CHST15: variants seen among roughly 807,000 people sequenced by gnomAD.
The protein encoded by CHST15 is B cell RAG associated protein (GALNAC4S-6ST).
Under a neutral mutation model 53.6 loss-of-function variants are expected in CHST15, and 30 were observed. The observed-to-expected ratio is 0.56, with a 90% CI of 0.42 to 0.76. CHST15 has a LOEUF of 0.76. Ranked by LOEUF, CHST15 falls within the 30% of genes least tolerant of loss-of-function variation. CHST15 has a pLI of 0.00. For missense variants in CHST15, 627 were observed against 740.5 expected (o/e 0.85, Z 1.78); for synonymous variants, 296 against 289.8 (o/e 1.02, Z -0.22).
rs139088117 is a variant in CHST15, at chr10:124,014,612, C to T, written c.1348-2132G>A. Among the ~76,000 whole-genome samples the T allele has an allele frequency of 4.3e-3, 654 of 152,336 alleles. 4 individuals are homozygous for T. The highest frequency in any genetic ancestry group is 0.015 in the African/African-American group (613 of 41,562). On this transcript the variant is annotated intron_variant, in intron 6 of 7. Transcript: ENST00000435907. ...ACGAGACCAACTCGCTGTTAAGTCA[C>T]CCGCCTCCCGGGGCTTTTCAGTTGT...
intron 1 of CHST15, among the ~76,000 whole-genome samples, chr10:124,054,052 T>C (rs1948295656): frequency 6.6e-6 from 1 of 152,184 alleles, no homozygotes; most frequent in Non-Finnish European, 1.5e-5. Context: ...CACAGCTGTT[T>C]TGTTTTAGTT....
intron 1 of CHST15, among the ~76,000 whole-genome samples, chr10:124,092,882 G>A (rs1949646600): frequency 6.6e-6 from 1 of 152,350 alleles, no homozygotes; most frequent in Middle Eastern, 3.4e-3. Flanking sequence ...GAGCTGGGCG[G>A]TGCAGGGGCG....
intron 6 of CHST15, chr10:124,020,010 C>G (rs28712887): frequency 7.1e-6 from 7 of 985,502 alleles, no homozygotes; most frequent in Non-Finnish European, 7.2e-6. Flanking sequence ...CCTGAAGCCC[C>G]GTTCTCAGGT....
chr10:124,043,991 A>G (rs1274444341), intron 3 of CHST15, among the ~76,000 whole-genome samples: 1 of 150,144 alleles, frequency 6.7e-6, no homozygotes, highest in Non-Finnish European at 1.5e-5. Flanking sequence ...AGCACAGAGC[A>G]GAGGAACAGC....
intron 1 of CHST15, among the ~76,000 whole-genome samples, chr10:124,054,278 A>T (rs538748412): frequency 6.6e-6 from 1 of 152,360 alleles, no homozygotes; most frequent in Admixed American, 6.5e-5. Flanking sequence ...CCACAACCTG[A>T]GGGATCTTCC....
In CHST15 at chr10:124,009,288, T is replaced by A. The variant is rs894776913; in HGVS notation, c.*861A>T. The A allele has an allele frequency of 1.8e-6, 2 of 1,096,134 alleles. No homozygotes were observed. The highest frequency in any genetic ancestry group is 9.1e-5 in the Admixed American group (2 of 22,056). The allele number at this position is 1,096,134 out of a possible 1,614,324, so 67.9% of individuals were successfully genotyped here. A position where few individuals can be genotyped will look rare whatever the true frequency, so the allele number is the denominator to read the frequency against. On this transcript the variant is annotated 3_prime_UTR_variant, in exon 8 of 8. Transcript: ENST00000435907. ...ACAGCAAAAATTTCTCTTCCAATTATAAACTGAAGTTCTTGAGAAAACGTA... is the reference window on the plus strand; with the variant it reads ...ACAGCAAAAATTTCTCTTCCAATTAAAAACTGAAGTTCTTGAGAAAACGTA...
intron 5 of CHST15, among the ~76,000 whole-genome samples, chr10:124,028,322 T>A (rs980105748): frequency 1.3e-5 from 2 of 152,236 alleles, no homozygotes; most frequent in African/African-American, 2.4e-5. Flanking sequence ...TCCTAAGTGA[T>A]GATGTGGTTG....
In CHST15 at chr10:124,007,983, GGA is replaced by G. The variant is rs71704905; in HGVS notation, c.*2164_*2165del. ...AGCAGAGGCAGCCGAAGTGCCCTCT[GGA>G]GAGAAAGGCCCCTGGAGGGAAAAAC... On this transcript the variant is annotated 3_prime_UTR_variant, in exon 8 of 8. Transcript: ENST00000435907. 0.63 allele frequency: 771,262 copies of G among 1,231,534 alleles called. 244,209 individuals carry two copies. Among genetic ancestry groups the G allele is most frequent in the East Asian group, 0.89 (28,140 of 31,674 alleles). 76.3% of individuals were successfully genotyped at this position (1,231,534 alleles called of 1,614,324 possible).
At chr10:124,039,500 G>A (rs1392003306) in intron 4 of CHST15, among the ~76,000 whole-genome samples, 1 of 152,280 alleles carries the variant, frequency 6.6e-6, no homozygotes, top group Non-Finnish European at 1.5e-5. Flanking sequence ...GAGGGGCTTT[G>A]CCACAGGGCT....
intron 1 of CHST15, among the ~76,000 whole-genome samples, chr10:124,080,770 A>G (rs1274726726): frequency 6.6e-6 from 1 of 152,226 alleles, no homozygotes; most frequent in Non-Finnish European, 1.5e-5. Flanking sequence ...ACGATCTGAA[A>G]GACACTCACC....
At chr10:124,026,332 T>TC (rs1246294485) in intron 5 of CHST15, among the ~76,000 whole-genome samples, 1 of 152,066 alleles carries the variant, frequency 6.6e-6, no homozygotes, top group Admixed American at 6.5e-5. Flanking sequence ...AGCTATCATT[T>TC]CCCCCTTGAC....
At chr10:124,068,708 A>G (rs2134145381) in intron 1 of CHST15, among the ~76,000 whole-genome samples, 2 of 152,342 alleles carry the variant, frequency 1.3e-5, no homozygotes, top group South Asian at 4.1e-4. Flanking sequence ...GAAAAGCATC[A>G]CTATGCTCTT....
rs1220923920 is a variant in CHST15 at position 124,008,760 on chromosome 10, G to C, written c.*1389C>G. On this transcript the variant is annotated 3_prime_UTR_variant, in exon 8 of 8. Coordinates refer to ENST00000435907, the MANE Select transcript of CHST15 (RefSeq NM_001270764.2). ...GGCGAGACCTTGGCCTGAGAACTTT[G>C]GTTCACAGGAAGCTTCCCTTGACAA... The C allele has an allele frequency of 8.6e-7, 1 of 1,162,046 alleles. No homozygotes were observed. The highest frequency in any genetic ancestry group is 1.1e-6 in the Non-Finnish European group (1 of 923,642). 72.0% of individuals were successfully genotyped at this position (1,162,046 alleles called of 1,614,324 possible). A position where few individuals can be genotyped will look rare whatever the true frequency, so the allele number is the denominator to read the frequency against.
intron 3 of CHST15, 137 bp downstream of exon 3, chr10:124,044,443 G>T: frequency 1.4e-6 from 1 of 706,200 alleles, no homozygotes; most frequent in Non-Finnish European, 2.2e-6. Flanking sequence ...GTCTTTGCCT[G>T]GGAACAGCCT....
chr10:124,012,261 C>A, intron 7 of CHST15, 72 bp downstream of exon 7: 2 of 1,544,400 alleles, frequency 1.3e-6, no homozygotes, highest in East Asian at 2.3e-5. Flanking sequence ...TCTGCATTTG[C>A]CCCAGAGGAC....
At chr10:124,089,929 T>C (rs981907094) in intron 1 of CHST15, among the ~76,000 whole-genome samples, 1 of 152,304 alleles carries the variant, frequency 6.6e-6, no homozygotes, top group Middle Eastern at 3.4e-3. Context: ...TTCATGCAGA[T>C]GACTTTCTAC....
chr10:124,066,386 G>A (rs546647766), intron 1 of CHST15, among the ~76,000 whole-genome samples: 12 of 152,024 alleles, frequency 7.9e-5, no homozygotes, highest in Non-Finnish European at 1.5e-4. Flanking sequence ...CCGCCAAGAC[G>A]TGTTCTGTCA....
rs1350374276 is a variant in CHST15 at position 124,036,266 on chromosome 10, C to T, written c.1190+2249G>A. On this transcript the variant is annotated intron_variant, in intron 5 of 7. Transcript: ENST00000435907. The surrounding 1 kb of genome is among the most constrained non-coding windows in gnomAD (Gnocchi z 5.1). ...TCAGCCCTGCTGGATGGAGGGAGAC[C>T]ACTCAGCAGGGCCGATTTCTGCCTC... 6.6e-6 allele frequency among the ~76,000 whole-genome samples: 1 copy of T among 152,158 alleles called. No homozygotes were observed. The highest frequency in any genetic ancestry group is 2.4e-5 in the African/African-American group (1 of 41,430).
In CHST15 at chr10:124,019,710, ATAT is replaced by A; in HGVS notation, c.1347+1543_1347+1545del. 1.1e-6 allele frequency: 1 copy of A among 881,494 alleles called. No homozygotes were observed. The highest frequency in any genetic ancestry group is 1.4e-6 in the Non-Finnish European group (1 of 734,898). 54.6% of individuals were successfully genotyped at this position (881,494 alleles called of 1,614,324 possible). A position where few individuals can be genotyped will look rare whatever the true frequency, so the allele number is the denominator to read the frequency against. Reference sequence around the variant, plus strand: ...CCTCAGCCATGAACACAGTAGTGAGATATTCCTTTTCCACTCCTACACTATCTT... The same window carrying A: ...CCTCAGCCATGAACACAGTAGTGAGATCCTTTTCCACTCCTACACTATCTT... On this transcript the variant is annotated intron_variant, in intron 6 of 7. Coordinates refer to ENST00000435907, the MANE Select transcript of CHST15 (RefSeq NM_001270764.2). The surrounding 1 kb of genome is among the most constrained non-coding windows in gnomAD (Gnocchi z 4.6).
Sources: allele counts gnomAD v4.1 joint callset (sites outside exome capture counted in the v4.1 genomes callset), GRCh38; gene constraint gnomAD v4.1.1; non-coding constraint Gnocchi (gnomAD v3.1); transcripts MANE v1.5; gene names NCBI Gene and HGNC (gene_info 2026-07-23, HGNC 2026-07-21).